Variants in HMGN5 observed in about 807,000 individuals in gnomAD.
The protein encoded by HMGN5 is high mobility group nucleosome binding domain 5.
Under a neutral mutation model 9.5 loss-of-function variants are expected in HMGN5, and 4 were observed. The observed-to-expected ratio is 0.42, with a 90% CI of 0.21 to 0.96. The LOEUF (loss-of-function observed/expected upper bound fraction) is 0.96. Among genes scored for constraint, HMGN5 ranks in the 40% least tolerant of loss-of-function variants. HMGN5 has a pLI of 0.30. For missense variants in HMGN5, 192 were observed against 187.5 expected (o/e 1.02, Z -0.14); for synonymous variants, 55 against 57.1 (o/e 0.96, Z 0.16).
chrX:81,188,929 AT>A (rs199702836), intron 1 of HMGN5, among the ~76,000 whole-genome samples: 80 of 110,665 alleles, frequency 7.2e-4, no homozygotes, highest in Non-Finnish European at 1.4e-3. Flanking sequence ...CAGTGCTACA[AT>A]TTTTTTTCCT....
At chrX:81,181,671 A>T (rs1158334102) in intron 1 of HMGN5, among the ~76,000 whole-genome samples, 2 of 111,444 alleles carry the variant, frequency 1.8e-5, no homozygotes, top group African/African-American at 6.5e-5. Context: ...TTAATTTTTA[A>T]CACCCACAAA....
At chrX:81,119,504 A>T (rs1046539603) in intron 3 of HMGN5, among the ~76,000 whole-genome samples, 1 of 112,003 alleles carries the variant, frequency 8.9e-6, no homozygotes, top group African/African-American at 3.2e-5. Flanking sequence ...AACCCACAAA[A>T]CACCCAAATA....
At chrX:81,185,093 C>G (rs2075473626) in intron 1 of HMGN5, among the ~76,000 whole-genome samples, 1 of 111,606 alleles carries the variant, frequency 9.0e-6, no homozygotes, top group Non-Finnish European at 1.9e-5. Context: ...CTTAGAATAG[C>G]TTTGGCTATT....
chrX:81,171,350 T>C lies in HMGN5; in HGVS notation c.-124+30387A>G, dbSNP rs185822190. The stretch of plus-strand genomic sequence containing the variant: ...CCTGAAAATATGACTATATAAACTT[T>C]TGATTTTTATAAATATAACTTTCTT... On this transcript the variant is annotated intron_variant, in intron 1 of 6. Coordinates refer to ENST00000358130, the MANE Select transcript of HMGN5 (RefSeq NM_030763.3). Among the ~76,000 whole-genome samples, 365 of 111,680 alleles carry C rather than the reference T, an allele frequency of 3.3e-3. 2 individuals are homozygous for C. The highest frequency in any genetic ancestry group is 0.011 in the African/African-American group (350 of 30,851).
intron 1 of HMGN5, among the ~76,000 whole-genome samples, chrX:81,153,585 ATATATATATATATATAT>A (rs2075373579): frequency 3.0e-4 from 1 of 3,321 alleles, no homozygotes; most frequent in African/African-American, 1.1e-3. Context: ...CTCTCTCTCT[ATATATATATATATATAT>A]ATATATATAT....
intron 1 of HMGN5, among the ~76,000 whole-genome samples, chrX:81,150,290 G>A (rs1018511002): frequency 2.4e-4 from 27 of 111,992 alleles, no homozygotes; most frequent in African/African-American, 8.8e-4. Context: ...TGTGCTGGGT[G>A]CGGTGGCTCA....
At chrX:81,153,561 C>CTG (rs2075372156) in intron 1 of HMGN5, among the ~76,000 whole-genome samples, 1 of 7,410 alleles carries the variant, frequency 1.3e-4, no homozygotes, top group Non-Finnish European at 2.3e-4. Flanking sequence ...CTCTCTCTCT[C>CTG]TCTCTCTCTC....
At chrX:81,170,807 C>T (rs1438723677) in intron 1 of HMGN5, among the ~76,000 whole-genome samples, 5 of 111,047 alleles carry the variant, frequency 4.5e-5, no homozygotes, top group Non-Finnish European at 1.9e-5. Flanking sequence ...CTACTATGTG[C>T]CAGATGCTTC....
rs2075246781 is a variant in HMGN5 at position 81,114,547 on chromosome X, GA to G, written c.*101del. 2.6e-6 allele frequency: 2 copies of G among 761,019 alleles called. No homozygotes were observed. Among genetic ancestry groups the G allele is most frequent in the Non-Finnish European group, 1.7e-6 (1 of 571,780 alleles). 62.7% of individuals were successfully genotyped at this position (761,019 alleles called of 1,213,427 possible). A position where few individuals can be genotyped will look rare whatever the true frequency, so the allele number is the denominator to read the frequency against. On this transcript the variant is annotated 3_prime_UTR_variant, in exon 7 of 7. Transcript: ENST00000358130. ...GTTCTGAAATTAAATCAATGCTAAAGAAAGGCTGTGTTTATAAAATTTTTGA... is the reference window on the plus strand; with the variant it reads ...GTTCTGAAATTAAATCAATGCTAAAGAAGGCTGTGTTTATAAAATTTTTGA...
chrX:81,175,668 C>T (rs951306792), intron 1 of HMGN5, among the ~76,000 whole-genome samples: 5 of 110,879 alleles, frequency 4.5e-5, no homozygotes, highest in East Asian at 2.8e-4. Context: ...CCTTAGCTCC[C>T]GCAGCCTGTG....
intron 1 of HMGN5, among the ~76,000 whole-genome samples, chrX:81,129,648 T>C (rs1378295998): frequency 3.6e-5 from 4 of 112,020 alleles, no homozygotes; most frequent in African/African-American, 6.5e-5. Context: ...ATAAATTATA[T>C]AGTTTGACAT....
intron 1 of HMGN5, among the ~76,000 whole-genome samples, chrX:81,140,559 C>CAAAAA (rs1227925535): frequency 3.0e-5 from 1 of 33,625 alleles, no homozygotes. Flanking sequence ...GACTCTGTCT[C>CAAAAA]AAAAAAAAAA....
chrX:81,172,794 A>G (rs1194018786), intron 1 of HMGN5, among the ~76,000 whole-genome samples: 2 of 111,220 alleles, frequency 1.8e-5, no homozygotes, highest in Non-Finnish European at 3.8e-5. Context: ...GATATCACAG[A>G]TAAGACCTAA....
At chrX:81,199,065 G>A (rs748489246) in intron 1 of HMGN5, among the ~76,000 whole-genome samples, 28 of 111,768 alleles carry the variant, frequency 2.5e-4, no homozygotes, top group African/African-American at 8.8e-4. Flanking sequence ...AAGATCACAA[G>A]CATTCCTATA....
At chrX:81,177,333 G>A (rs1237888084) in intron 1 of HMGN5, among the ~76,000 whole-genome samples, 3 of 52,182 alleles carry the variant, frequency 5.7e-5, no homozygotes, top group African/African-American at 2.3e-4. Context: ...TCAAAATAAA[G>A]GGATGGAGGA....
intron 1 of HMGN5, among the ~76,000 whole-genome samples, chrX:81,126,283 C>G (rs374746163): frequency 9.1e-6 from 1 of 109,849 alleles, no homozygotes; most frequent in Non-Finnish European, 1.9e-5. Flanking sequence ...TTGGTAAACA[C>G]GAATTATGTT....
intron 1 of HMGN5, among the ~76,000 whole-genome samples, chrX:81,140,335 C>A (rs189093485): frequency 1.8e-5 from 2 of 110,130 alleles, no homozygotes; most frequent in Non-Finnish European, 3.8e-5. Context: ...CCGAGGCGGG[C>A]GGATCACGAG....
chrX:81,178,789 G>A (rs1222619273), intron 1 of HMGN5, among the ~76,000 whole-genome samples: 1 of 111,712 alleles, frequency 9.0e-6, no homozygotes, highest in Admixed American at 9.5e-5. Flanking sequence ...GAATATAGAT[G>A]AGAAAATCCT....
At chrX:81,125,207 A>G (rs1431108461) in intron 1 of HMGN5, among the ~76,000 whole-genome samples, 1 of 110,269 alleles carries the variant, frequency 9.1e-6, no homozygotes, top group Non-Finnish European at 1.9e-5. Flanking sequence ...AAATATCTCT[A>G]ATTTTGACCT....
Sources: gnomAD v4.1 joint callset for allele counts (sites outside exome capture counted in the v4.1 genomes callset) on GRCh38, gnomAD v4.1.1 for gene constraint, MANE v1.5 for transcripts, NCBI Gene and HGNC (gene_info 2026-07-23, HGNC 2026-07-21) for gene names.